The following LEPROTL1 variants were observed in gnomAD, a reference collection of about 807,000 sequenced individuals.
The protein encoded by LEPROTL1 is leptin receptor overlapping transcript-like 1.
In LEPROTL1, 6 loss-of-function variants were observed where a neutral mutation model predicts 15.4. That is an observed-to-expected ratio of 0.39 (90% CI 0.21 to 0.77). The LOEUF (loss-of-function observed/expected upper bound fraction) is 0.77. LEPROTL1 is among the 30% of genes least tolerant of loss of function. The pLI, the probability that LEPROTL1 is intolerant of heterozygous loss-of-function variation, is 0.41. For synonymous variants in LEPROTL1, 56 were observed against 52.6 expected (o/e 1.06, Z -0.28); for missense variants, 128 against 158.1 (o/e 0.81, Z 1.02).
chr8:30,096,404 C>T (rs1802368478), intron 1 of LEPROTL1: 1 of 985,024 alleles, frequency 1.0e-6, no homozygotes, highest in Non-Finnish European at 1.2e-6. Context: ...TGTAGAAGGG[C>T]AGTCAGGCAG....
Position 30,105,853 on chromosome 8 carries a change from G to A in LEPROTL1, c.387G>A (p.Gln129=). 1.3e-6 allele frequency: 2 copies of A among 1,545,078 alleles called. No homozygotes were observed. The highest frequency in any genetic ancestry group is 2.2e-5 in the Admixed American group (1 of 46,182). ...VFGSNDDFSW[Q]QW Reference sequence around the variant, plus strand: ...GAAGCAATGACGACTTCAGCTGGCAGCAGTGGTGAAAAGAAATTACTGAAC... The same window carrying A: ...GAAGCAATGACGACTTCAGCTGGCAACAGTGGTGAAAAGAAATTACTGAAC... Residue 129 remains glutamine, a synonymous_variant, in exon 4 of 4, where the codon CAG becomes CAA. Coordinates refer to ENST00000321250, the MANE Select transcript of LEPROTL1 (RefSeq NM_015344.3).
rs1396224551 is a variant in LEPROTL1 at position 30,095,445 on chromosome 8, T to C, written c.-68T>C. 2.2e-5 allele frequency: 32 copies of C among 1,447,990 alleles called. No homozygotes were observed. Among genetic ancestry groups the C allele is most frequent in the Non-Finnish European group, 2.6e-5 (29 of 1,099,424 alleles). The allele number at this position is 1,447,990 out of a possible 1,614,324, so 89.7% of individuals were successfully genotyped here. A position where few individuals can be genotyped will look rare whatever the true frequency, so the allele number is the denominator to read the frequency against. On this transcript the variant is annotated 5_prime_UTR_variant, in exon 1 of 4. Transcript: ENST00000321250. The stretch of plus-strand genomic sequence containing the variant: ...GTTGTCTGGCCGCCGTAGCGCGTCT[T>C]GGGTCTCCCGGCTGCCGCTGCTGCC...
chr8:30,104,501 T>C lies in LEPROTL1; in HGVS notation c.279+15T>C. 1 of 1,524,986 alleles carries C rather than the reference T, an allele frequency of 6.6e-7. No individual in the cohort carries two copies. Among genetic ancestry groups the C allele is most frequent in the Non-Finnish European group, 8.9e-7 (1 of 1,129,800 alleles). The allele number at this position is 1,524,986 out of a possible 1,614,324, so 94.5% of individuals were successfully genotyped here. A position where few individuals can be genotyped will look rare whatever the true frequency, so the allele number is the denominator to read the frequency against. On this transcript the variant is annotated intron_variant, in intron 3 of 3. Transcript: ENST00000321250. ...GAGCACATCTGGTAAGTGAATATATTCTTCCATTAATGATTTTATATTGAA... is the reference window on the plus strand; with the variant it reads ...GAGCACATCTGGTAAGTGAATATATCCTTCCATTAATGATTTTATATTGAA...
chr8:30,132,838 C>A, intron 4 of LEPROTL1: 1 of 1,551,682 alleles, frequency 6.4e-7, no homozygotes. Context: ...TTTCCCCTCA[C>A]AAATGTCCAG....
At chr8:30,096,534 A>T in intron 1 of LEPROTL1, 1 of 256,964 alleles carries the variant, frequency 3.9e-6, no homozygotes, top group Non-Finnish European at 6.1e-6. Flanking sequence ...TCAATGTCTG[A>T]AAACATTTCA....
chr8:30,101,837 T>C (rs1802472304), intron 1 of LEPROTL1, 61 bp from the exon 2 acceptor site: 1 of 995,742 alleles, frequency 1.0e-6, no homozygotes, highest in South Asian at 1.4e-5. Flanking sequence ...TTCAGACTGC[T>C]GATATTAATA....
In LEPROTL1 at chr8:30,104,320, T is replaced by C. The variant is rs1802520955; in HGVS notation, c.113T>C (p.Val38Ala). The change falls in exon 3 of 4, where the codon GTT becomes GCT. Residue 38 changes from valine (V) to alanine (A), a missense_variant. Transcript: ENST00000321250. ...PIYNKYWPLF[V>A]LFFYILSPIP... ...TCTAGCAAATACTGGCCCCTCTTTG[T>C]TCTATTTTTTTACATCCTTTCACCT... 6.5e-7 allele frequency: 1 copy of C among 1,544,544 alleles called. No homozygotes were observed. The highest frequency in any genetic ancestry group is 1.4e-5 in the African/African-American group (1 of 72,242).
chr8:30,106,800 T>A lies in LEPROTL1; in HGVS notation c.*938T>A. The A allele has an allele frequency of 1.0e-6, 1 of 984,864 alleles. No individual in the cohort carries two copies. Among genetic ancestry groups the A allele is most frequent in the African/African-American group, 1.7e-5 (1 of 57,334 alleles). 61.0% of individuals were successfully genotyped at this position (984,864 alleles called of 1,614,324 possible). A position where few individuals can be genotyped will look rare whatever the true frequency, so the allele number is the denominator to read the frequency against. On this transcript the variant is annotated 3_prime_UTR_variant, in exon 4 of 4. Coordinates refer to ENST00000321250, the MANE Select transcript of LEPROTL1 (RefSeq NM_015344.3). The stretch of plus-strand genomic sequence containing the variant: ...GGGACAGTTGTATGTTTGCATCATA[T>A]ATGCCAGAAAACCTTCCTCTGCTTC...
At chr8:30,129,426 C>T (rs1219035485) in intron 3 of LEPROTL1, among the ~76,000 whole-genome samples, 1 of 151,846 alleles carries the variant, frequency 6.6e-6, no homozygotes, top group Non-Finnish European at 1.5e-5. Flanking sequence ...TACCTGAGGC[C>T]GGGAGCGTTG....
At chr8:30,097,960 CCTT>C (rs1802401056) in intron 1 of LEPROTL1, among the ~76,000 whole-genome samples, 2 of 150,758 alleles carry the variant, frequency 1.3e-5, no homozygotes, top group African/African-American at 2.4e-5. Context: ...AGAATTTAGG[CCTT>C]CTTTTTTGAT....
At chr8:30,114,007 A>AT (rs1464158192) in intron 3 of LEPROTL1, among the ~76,000 whole-genome samples, 2 of 152,106 alleles carry the variant, frequency 1.3e-5, no homozygotes, top group South Asian at 2.1e-4. Flanking sequence ...AACATTTTAC[A>AT]TTTTTTGCAC....
At chr8:30,110,416 A>AT (rs1375145800), downstream of LEPROTL1, among the ~76,000 whole-genome samples, 1 of 151,514 alleles carries the variant, frequency 6.6e-6, no homozygotes, top group Non-Finnish European at 1.5e-5. Flanking sequence ...AGAATCAGGA[A>AT]TTTTTTTTTA....
intron 1 of LEPROTL1, among the ~76,000 whole-genome samples, chr8:30,098,165 C>G (rs1007259349): frequency 6.6e-6 from 1 of 152,100 alleles, no homozygotes; most frequent in African/African-American, 2.4e-5. Context: ...ACTCTTTCTC[C>G]TAATTCCCAT....
intron 4 of LEPROTL1, among the ~76,000 whole-genome samples, chr8:30,135,405 G>A (rs371980633): frequency 2.6e-5 from 4 of 152,144 alleles, no homozygotes; most frequent in South Asian, 2.1e-4. Context: ...ATAAAAACTC[G>A]GTAGTGAAGA....
chr8:30,102,970 T>A (rs1802495852), intron 2 of LEPROTL1, among the ~76,000 whole-genome samples: 1 of 152,196 alleles, frequency 6.6e-6, no homozygotes, highest in African/African-American at 2.4e-5. Context: ...CCCTTTCACT[T>A]GTTAGACTTT....
intron 1 of LEPROTL1, among the ~76,000 whole-genome samples, chr8:30,100,744 C>T (rs563513356): frequency 6.6e-6 from 1 of 152,228 alleles, no homozygotes; most frequent in Non-Finnish European, 1.5e-5. Context: ...CCACTGCACT[C>T]GGCTATCATT....
chr8:30,126,472 A>G (rs1802908343), intron 3 of LEPROTL1, among the ~76,000 whole-genome samples: 1 of 152,170 alleles, frequency 6.6e-6, no homozygotes, highest in Non-Finnish European at 1.5e-5. Flanking sequence ...CCAAGTCCTC[A>G]TGGAATTGAT....
downstream of LEPROTL1, among the ~76,000 whole-genome samples, chr8:30,113,447 C>T (rs1367515762): frequency 3.3e-5 from 5 of 152,192 alleles, no homozygotes; most frequent in South Asian, 6.2e-4. Context: ...AGAATACTAC[C>T]ATAAAAGTTG....
intron 3 of LEPROTL1, among the ~76,000 whole-genome samples, chr8:30,122,374 G>C (rs971674446): frequency 6.6e-6 from 1 of 152,168 alleles, no homozygotes; most frequent in African/African-American, 2.4e-5. Context: ...TCAAACTCCT[G>C]TCCTCAAGCA....
Sources: gnomAD v4.1 joint callset for allele counts (sites outside exome capture counted in the v4.1 genomes callset) on GRCh38, gnomAD v4.1.1 for gene constraint, MANE v1.5 for transcripts, NCBI Gene and HGNC (gene_info 2026-07-23, HGNC 2026-07-21) for gene names.